SLC30A9: variants seen among roughly 807,000 people sequenced by gnomAD.
The protein encoded by SLC30A9 is solute carrier family 30 member 9.
A neutral mutation model predicts 87.5 loss-of-function variants in SLC30A9; 58 were observed. That is an observed-to-expected ratio of 0.66 (90% CI 0.54 to 0.82). The LOEUF (loss-of-function observed/expected upper bound fraction) is 0.82. SLC30A9 is among the 40% of genes least tolerant of loss of function. The pLI is 0.00. For synonymous variants in SLC30A9, 234 were observed against 233.0 expected, an observed-to-expected ratio of 1.00 and a Z score of -0.04; for missense variants, 557 against 679.1, an observed-to-expected ratio of 0.82 and a Z score of 2.00.
intron 10 of SLC30A9, 72 bp downstream of exon 10, chr4:42,060,318 TCTC>T (rs1259690201): frequency 2.1e-5 from 25 of 1,175,752 alleles, no homozygotes; most frequent in Non-Finnish European, 2.7e-5. Context: ...ATATCAGAAA[TCTC>T]CTGCAATTTA....
intron 4 of SLC30A9, 108 bp downstream of exon 4, chr4:42,020,623 A>G (rs1413344741): frequency 1.8e-5 from 10 of 551,796 alleles, no homozygotes; most frequent in Non-Finnish European, 2.5e-5. Flanking sequence ...AAAATTTGCT[A>G]CTGGCTCCTT....
intron 2 of SLC30A9, among the ~76,000 whole-genome samples, chr4:42,006,103 T>G (rs1365677176): frequency 6.6e-6 from 1 of 152,232 alleles, no homozygotes; most frequent in East Asian, 1.9e-4. Context: ...TTGCATTGAA[T>G]TCGGTATTAT....
At chr4:42,063,309 TC>T (rs1157118678) in intron 11 of SLC30A9, among the ~76,000 whole-genome samples, 188 bp downstream of exon 11, 1 of 152,206 alleles carries the variant, frequency 6.6e-6, no homozygotes, top group Non-Finnish European at 1.5e-5. Context: ...TCCATAAGAT[TC>T]AATGATGTTG....
intron 16 of SLC30A9, 77 bp from the exon 17 acceptor site, chr4:42,078,135 G>T: frequency 3.2e-6 from 2 of 634,272 alleles, no homozygotes; most frequent in Non-Finnish European, 5.4e-6. Context: ...TTATAGGTTT[G>T]TTTTTTTTTA....
chr4:42,030,157 A>G (rs1177212623), intron 6 of SLC30A9: 1 of 830,508 alleles, frequency 1.2e-6, no homozygotes, highest in Non-Finnish European at 1.7e-6. Context: ...TAGCCATTTA[A>G]TAAGTTTAAA....
chr4:42,082,227 AAAAT>A (rs1375059042), intron 17 of SLC30A9, among the ~76,000 whole-genome samples: 3 of 47,446 alleles, frequency 6.3e-5, no homozygotes, highest in Non-Finnish European at 2.9e-4. Flanking sequence ...AAAAAAAAAA[AAAAT>A]AAATAAATAA....
intron 9 of SLC30A9, among the ~76,000 whole-genome samples, chr4:42,058,348 T>C (rs538219992): frequency 6.6e-6 from 1 of 152,200 alleles, no homozygotes; most frequent in Non-Finnish European, 1.5e-5. Flanking sequence ...GCCTGGACTT[T>C]ATTGTCCGTA....
intron 2 of SLC30A9, among the ~76,000 whole-genome samples, chr4:42,005,815 AT>A (rs1410314230): frequency 1.3e-5 from 2 of 152,218 alleles, no homozygotes; most frequent in Non-Finnish European, 2.9e-5. Context: ...TCATTTATTC[AT>A]TAATTTACTC....
intron 15 of SLC30A9, 127 bp downstream of exon 15, chr4:42,070,818 C>G: frequency 1.6e-6 from 1 of 628,392 alleles, no homozygotes; most frequent in East Asian, 2.9e-5. Flanking sequence ...TAGTCTGTAA[C>G]TTTTCAGAAT....
At chr4:42,023,022 C>A in intron 5 of SLC30A9, 92 bp downstream of exon 5, 1 of 717,782 alleles carries the variant, frequency 1.4e-6, no homozygotes, top group South Asian at 2.3e-5. Flanking sequence ...TTTTAAATGA[C>A]TTTTTAAAAA....
At chr4:42,046,614 C>T (rs746995205) in intron 8 of SLC30A9, among the ~76,000 whole-genome samples, 2 of 152,040 alleles carry the variant, frequency 1.3e-5, no homozygotes, top group Non-Finnish European at 2.9e-5. Context: ...ATTCCATGCT[C>T]GTGGATAGGA....
At chr4:42,000,247 G>A (rs1480306754) in intron 1 of SLC30A9, among the ~76,000 whole-genome samples, 2 of 151,858 alleles carry the variant, frequency 1.3e-5, no homozygotes, top group Non-Finnish European at 2.9e-5. Flanking sequence ...AAAAAAGTTA[G>A]TGGCATATTG....
At chr4:42,001,968 A>G (rs1306057503) in intron 2 of SLC30A9, among the ~76,000 whole-genome samples, 188 bp downstream of exon 2, 1 of 151,974 alleles carries the variant, frequency 6.6e-6, no homozygotes, top group Non-Finnish European at 1.5e-5. Context: ...TCAGTTTTCT[A>G]CGAAAAACTA....
At chr4:42,006,441 A>G (rs1257152094) in intron 2 of SLC30A9, among the ~76,000 whole-genome samples, 2 of 152,196 alleles carry the variant, frequency 1.3e-5, no homozygotes, top group East Asian at 3.9e-4. Context: ...AAATTCTAGC[A>G]CTTTGGGAGA....
At chr4:41,997,091 A>C (rs1218049999) in intron 1 of SLC30A9, among the ~76,000 whole-genome samples, 1 of 151,528 alleles carries the variant, frequency 6.6e-6, no homozygotes, top group African/African-American at 2.4e-5. Context: ...AGAATTAAGC[A>C]AGGCAGTAGA....
At chr4:41,994,946 G>A (rs1210444572) in intron 1 of SLC30A9, among the ~76,000 whole-genome samples, 1 of 151,936 alleles carries the variant, frequency 6.6e-6, no homozygotes, top group South Asian at 2.1e-4. Context: ...CTGATTAAGA[G>A]AGCATTGACA....
chr4:42,034,270 T>G (rs1354847824), intron 6 of SLC30A9, among the ~76,000 whole-genome samples: 1 of 152,148 alleles, frequency 6.6e-6, no homozygotes. Context: ...TTTTTTATTG[T>G]AAAAAACACA....
Position 42,086,555 on chromosome 4 carries a change from T to G in SLC30A9, c.*429T>G, listed in dbSNP as rs1023906256. 2 of 154,026 alleles carry G rather than the reference T, an allele frequency of 1.3e-5. No individual in the cohort carries two copies. Among genetic ancestry groups the G allele is most frequent in the Admixed American group, 6.5e-5 (1 of 15,314 alleles). The allele number at this position is 154,026 out of a possible 1,614,324, so 9.5% of individuals were successfully genotyped here. A position where few individuals can be genotyped will look rare whatever the true frequency, so the allele number is the denominator to read the frequency against. The stretch of plus-strand genomic sequence containing the variant: ...CATCAAGATCTGCCAATCTTCAATA[T>G]TCTGGCTAAATCTTGGTATGTGGTT... On this transcript the variant is annotated 3_prime_UTR_variant, in exon 18 of 18. Transcript: ENST00000264451.
intron 1 of SLC30A9, among the ~76,000 whole-genome samples, chr4:42,000,747 A>G (rs1256912253): frequency 1.3e-5 from 2 of 152,076 alleles, no homozygotes; most frequent in East Asian, 3.8e-4. Flanking sequence ...TTTTTGGAAG[A>G]TCATTATTAA....
Sources: allele counts gnomAD v4.1 joint callset (sites outside exome capture counted in the v4.1 genomes callset), GRCh38; gene constraint gnomAD v4.1.1; transcripts MANE v1.5; gene names NCBI Gene and HGNC (gene_info 2026-07-23, HGNC 2026-07-21).